Variants in ATP7A observed in about 807,000 individuals in gnomAD.
The protein encoded by ATP7A is copper-transporting ATPase 1.
Under a neutral mutation model 83.5 loss-of-function variants are expected in ATP7A, and 7 were observed. The ratio of observed to expected loss-of-function variants is 0.08; its 90% CI spans 0.05 to 0.16. The LOEUF (loss-of-function observed/expected upper bound fraction) is 0.16, where lower values mean the gene tolerates loss of function less well. Ranked by LOEUF, ATP7A falls within the 10% of genes least tolerant of loss-of-function variation. ATP7A has a pLI of 1.00. For missense variants in ATP7A, 940 were observed against 1,120.8 expected, an observed-to-expected ratio of 0.84 and a Z score of 2.30; for synonymous variants, 354 against 395.2, an observed-to-expected ratio of 0.90 and a Z score of 1.24.
At chrX:78,015,691 A>G in intron 11 of ATP7A, 63 bp from the exon 12 acceptor site, 1 of 1,193,466 alleles carries the variant, frequency 8.4e-7, no homozygotes. Flanking sequence ...TAAAGAGCTT[A>G]CATGGAGAGG....
intron 12 of ATP7A, among the ~76,000 whole-genome samples, chrX:78,016,580 C>T (rs782610326): frequency 3.6e-5 from 4 of 111,799 alleles, no homozygotes; most frequent in South Asian, 3.7e-4. Flanking sequence ...AAATCAAAAA[C>T]GAGTTCCTTC....
intron 5 of ATP7A, among the ~76,000 whole-genome samples, chrX:77,999,342 A>G (rs782337462): frequency 4.5e-5 from 5 of 111,702 alleles, no homozygotes; most frequent in Admixed American, 9.6e-5. Context: ...CAAATAGAAT[A>G]TTTAAGAATT....
intron 1 of ATP7A, chrX:77,963,934 C>G (rs1257182162): frequency 8.9e-6 from 1 of 112,595 alleles, no homozygotes; most frequent in Non-Finnish European, 1.9e-5. Context: ...GAAAGACTGT[C>G]TAGAAAGAAC....
At chrX:78,016,369 G>C (rs939766122) in intron 12 of ATP7A, among the ~76,000 whole-genome samples, 1 of 111,147 alleles carries the variant, frequency 9.0e-6, no homozygotes, top group Non-Finnish European at 1.9e-5. Flanking sequence ...TACAATTTGA[G>C]ATGAGATTTG....
In ATP7A at chrX:77,986,343, T is replaced by C. The variant is rs940155959; in HGVS notation, c.121-1899T>C. On this transcript the variant is annotated intron_variant, in intron 2 of 22. Coordinates refer to ENST00000341514, the MANE Select transcript of ATP7A (RefSeq NM_000052.7). ...AAAGATTTAACTATTGTAGACAATT[T>C]AAAGAGAGATTTTCTATGCTGAATT... Among the ~76,000 whole-genome samples, 3 of 112,820 alleles carry C rather than the reference T, an allele frequency of 2.7e-5. No homozygotes were observed. In the South Asian group the frequency reaches 1.1e-3, roughly 41 times the overall value.
At chrX:78,012,521 C>T (rs782250466) in intron 9 of ATP7A, among the ~76,000 whole-genome samples, 11 of 104,743 alleles carry the variant, frequency 1.1e-4, no homozygotes, top group African/African-American at 3.9e-4. Context: ...ACTTGGGAGG[C>T]TGAGGCAGGA....
chrX:78,046,373 G>A lies in ATP7A; in HGVS notation c.4306G>A (p.Val1436Ile), dbSNP rs781873881. The change falls in exon 23 of 23, where the codon GTT becomes ATT. Residue 1436 changes from valine to isoleucine, a missense_variant. This residue lies in a region of ATP7A where 386 missense variants were observed against 502.2 expected (regional missense o/e 0.77). Coordinates refer to ENST00000341514, the MANE Select transcript of ATP7A (RefSeq NM_000052.7). ...ACAGAAGAGTCCTTCAGAAATCAGCGTTCATGTTGGAATAGATGATACCTC... is the reference window on the plus strand; with the variant it reads ...ACAGAAGAGTCCTTCAGAAATCAGCATTCATGTTGGAATAGATGATACCTC... ...IGQKSPSEIS[V>I]HVGIDDTSRN... 1.4e-5 allele frequency: 17 copies of A among 1,210,978 alleles called. No homozygotes were observed. In the Admixed American group the frequency reaches 1.5e-4, roughly 11 times the overall value.
At chrX:77,998,735 T>C (rs1557232832) in intron 5 of ATP7A, 51 bp downstream of exon 5, 1 of 1,110,744 alleles carries the variant, frequency 9.0e-7, no homozygotes, top group Non-Finnish European at 1.2e-6. Flanking sequence ...GGGAGCTCCA[T>C]CTTTTTTGTT....
At chrX:77,944,834 GTATTTATTTATT>G (rs376448530) in intron 1 of ATP7A, among the ~76,000 whole-genome samples, 9 of 107,379 alleles carry the variant, frequency 8.4e-5, no homozygotes, top group African/African-American at 2.1e-4. Context: ...ATGTATGTGT[GTATTTATTTATT>G]TATTTATTTA....
intron 21 of ATP7A, 93 bp from the exon 22 acceptor site, chrX:78,045,377 A>G: frequency 3.7e-6 from 3 of 816,565 alleles, no homozygotes; most frequent in Non-Finnish European, 5.5e-6. Flanking sequence ...CTGAAGAAGT[A>G]TCAAACAAAG....
chrX:78,010,579 T>C (rs1471905906), intron 7 of ATP7A, among the ~76,000 whole-genome samples: 1 of 81,692 alleles, frequency 1.2e-5, no homozygotes, highest in Non-Finnish European at 2.4e-5. Flanking sequence ...GCTTTTTTTT[T>C]TTTTTTTTTT....
chrX:78,007,547 G>A (rs868963973), intron 6 of ATP7A, among the ~76,000 whole-genome samples: 1 of 111,443 alleles, frequency 9.0e-6, no homozygotes, highest in Admixed American at 9.5e-5. Flanking sequence ...GGATGGTCTC[G>A]ATCTCCTGAC....
chrX:77,931,504 G>A (rs1445080267), intron 1 of ATP7A, among the ~76,000 whole-genome samples: 1 of 112,439 alleles, frequency 8.9e-6, no homozygotes, highest in African/African-American at 3.2e-5. Context: ...TTGTCATCCC[G>A]GCCCGTTCTC....
At position 77,920,483 on chromosome X, in the gene ATP7A, C is replaced by T. The variant is rs782617348; in HGVS notation, c.-22+9648C>T. 2.5e-4 allele frequency among the ~76,000 whole-genome samples: 28 copies of T among 111,151 alleles called. No homozygotes were observed. The East Asian group carries it at 3.4e-3, about 13-fold the overall frequency. ...CCGCCCACCTCGGCCTCCCAAAGTG[C>T]TGGGATTACAGGCGTGAGCCACCGC... is the stretch of plus-strand genomic sequence containing the variant. On this transcript the variant is annotated intron_variant, in intron 1 of 22. Transcript: ENST00000341514.
At chrX:78,031,215 G>A (rs782026160) in intron 15 of ATP7A, among the ~76,000 whole-genome samples, 185 bp from the exon 16 acceptor site, 5 of 111,987 alleles carry the variant, frequency 4.5e-5, no homozygotes, top group Non-Finnish European at 7.5e-5. Context: ...GAGCTGTTGT[G>A]TATAACTAAG....
intron 1 of ATP7A, among the ~76,000 whole-genome samples, chrX:77,932,313 C>T (rs1317782559): frequency 9.3e-6 from 1 of 107,499 alleles, no homozygotes; most frequent in Admixed American, 9.8e-5. Context: ...GATGGGCGGC[C>T]GGGCAGAGAC....
chrX:77,960,268 G>A (rs1413216435), intron 1 of ATP7A, among the ~76,000 whole-genome samples: 1 of 112,108 alleles, frequency 8.9e-6, no homozygotes, highest in Non-Finnish European at 1.9e-5. Context: ...TTTAGTCCCA[G>A]CTACTCAGGA....
chrX:77,978,760 A>T (rs1557230594), intron 2 of ATP7A, among the ~76,000 whole-genome samples: 1 of 112,043 alleles, frequency 8.9e-6, no homozygotes, highest in East Asian at 2.8e-4. Flanking sequence ...AGGCATTATT[A>T]ATAAAAATGT....
At chrX:77,975,138 TGTATTCTGTTAAG>T (rs1273859529) in intron 2 of ATP7A, among the ~76,000 whole-genome samples, 3 of 111,807 alleles carry the variant, frequency 2.7e-5, no homozygotes, top group Non-Finnish European at 5.6e-5. Flanking sequence ...TCCTGCCTAT[TGTATTCTGTTAAG>T]GTAGATGTCT....
Sources: allele counts gnomAD v4.1 joint callset (sites outside exome capture counted in the v4.1 genomes callset), GRCh38; gene constraint gnomAD v4.1.1; regional missense constraint gnomAD v4.1.1; transcripts MANE v1.5; gene names NCBI Gene and HGNC (gene_info 2026-07-23, HGNC 2026-07-21).